The following HTT variants were observed in gnomAD, a reference collection of about 807,000 sequenced individuals.
HTT encodes the protein huntington disease protein.
In HTT, 104 loss-of-function variants were observed where a neutral mutation model predicts 362.3. The observed-to-expected ratio is 0.29, with a 90% CI of 0.24 to 0.34. The LOEUF (loss-of-function observed/expected upper bound fraction) is 0.34, where lower values mean the gene tolerates loss of function less well. Ranked by LOEUF, HTT falls within the 10% of genes least tolerant of loss-of-function variation. The pLI, the probability that HTT is intolerant of heterozygous loss-of-function variation, is 1.00. For missense variants in HTT, 3,301 were observed against 3,928.6 expected, an observed-to-expected ratio of 0.84 and a Z score of 4.27; for synonymous variants, 1,577 against 1,548.7, an observed-to-expected ratio of 1.02 and a Z score of -0.43.
chr4:3,092,812 A>C (rs1406481462), intron 2 of HTT, among the ~76,000 whole-genome samples: 1 of 152,258 alleles, frequency 6.6e-6, no homozygotes, highest in African/African-American at 2.4e-5. Flanking sequence ...TCTTGCCTTG[A>C]AATAGTTGAA....
intron 1 of HTT, among the ~76,000 whole-genome samples, chr4:3,084,736 G>A (rs1357200194): frequency 4.6e-5 from 7 of 151,372 alleles, no homozygotes; most frequent in South Asian, 2.1e-4. Flanking sequence ...TTACTGGGCC[G>A]GGTGTGGTGG....
At chr4:3,207,015 A>C (rs1169111021) in intron 44 of HTT, 32 bp downstream of exon 44, 3 of 1,577,300 alleles carry the variant, frequency 1.9e-6, no homozygotes, top group Admixed American at 3.6e-5. Flanking sequence ...ATATTGATTT[A>C]TATTGAAAAT....
chr4:3,149,822 C>T (rs1353102466), intron 26 of HTT, among the ~76,000 whole-genome samples: 2 of 152,350 alleles, frequency 1.3e-5, no homozygotes, highest in East Asian at 1.9e-4. Flanking sequence ...CTTTGGCTCT[C>T]TTGGCCTGGA....
intron 29 of HTT, among the ~76,000 whole-genome samples, chr4:3,163,239 C>T (rs765426791): frequency 2.0e-5 from 3 of 152,112 alleles, no homozygotes; most frequent in Admixed American, 1.3e-4. Flanking sequence ...TATTGATTTG[C>T]GTATGTTGAA....
intron 35 of HTT, among the ~76,000 whole-genome samples, chr4:3,180,041 G>A (rs1389741235): frequency 6.6e-6 from 1 of 152,130 alleles, no homozygotes; most frequent in Non-Finnish European, 1.5e-5. Flanking sequence ...ATAAGACTTG[G>A]GGGAAAGTCC....
chr4:3,155,524 CTATT>C (rs763313092), intron 27 of HTT, among the ~76,000 whole-genome samples: 4 of 151,366 alleles, frequency 2.6e-5, no homozygotes, highest in Non-Finnish European at 4.4e-5. Context: ...TGTACCCGGC[CTATT>C]TATTTATTTT....
intron 12 of HTT, chr4:3,128,484 G>A (rs1040877359): frequency 6.6e-6 from 1 of 152,136 alleles, no homozygotes; most frequent in Admixed American, 6.5e-5. Context: ...TTAAGGCCTT[G>A]TTGGGCCCTG....
In HTT at chr4:3,198,817, G is replaced by A. The variant is rs548749142; in HGVS notation, c.5369-915G>A. On this transcript the variant is annotated intron_variant, in intron 40 of 66. Coordinates refer to ENST00000355072, the MANE Select transcript of HTT (RefSeq NM_001388492.1). ...CTGAGGTGCCAGCATTGTGTGTGGG[G>A]AGGCTGACCGCTTGGCCTGCCTAGG... 1.4e-3 allele frequency among the ~76,000 whole-genome samples: 214 copies of A among 152,354 alleles called. 2 individuals are homozygous for A. The highest frequency in any genetic ancestry group is 5.0e-3 in the African/African-American group (206 of 41,578).
At position 3,208,873 on chromosome 4, in the gene HTT, G is replaced by T. The variant is rs747386152; in HGVS notation, c.6253G>T (p.Asp2085Tyr). 1 of 1,613,998 alleles carries T rather than the reference G, an allele frequency of 6.2e-7. No homozygotes were observed. The highest frequency in any genetic ancestry group is 8.5e-7 in the Non-Finnish European group (1 of 1,179,942). ...AGTCTCTTCCCACCCGCTGGACGGG[G>T]ATGGGCACGTGTCACTGGAAACAGT... ...PPVSSHPLDG[D>Y]GHVSLETVSP... The change falls in exon 46 of 67, where the codon GAT becomes TAT. Residue 2085 changes from aspartate (D) to tyrosine (Y), a missense_variant. Physicochemically the swap from Asp to Tyr is radical, Grantham distance 160. This residue lies in a region of HTT where 2,316 missense variants were observed against 2,658.5 expected (regional missense o/e 0.87). Transcript: ENST00000355072.
At position 3,075,002 on chromosome 4, in the gene HTT, G is replaced by A. The variant is rs1182405925; in HGVS notation, c.177G>A (p.Gln59=). The A allele has an allele frequency of 6.2e-5, 89 of 1,440,142 alleles. 2 individuals are homozygous for A. Among genetic ancestry groups the A allele is most frequent in the East Asian group, 9.2e-5 (3 of 32,516 alleles). The allele number at this position is 1,440,142 out of a possible 1,614,324, so 89.2% of individuals were successfully genotyped here. Residue 59 remains glutamine (Q), a synonymous_variant, in exon 1 of 67, where the codon CAG becomes CAA. Coordinates refer to ENST00000355072, the MANE Select transcript of HTT (RefSeq NM_001388492.1). ...TTCCTCAGCCGCCGCCGCAGGCACA[G>A]CCGCTGCTGCCTCAGCCGCAGCCGC... is the stretch of plus-strand genomic sequence containing the variant. ...PQLPQPPPQA[Q]PLLPQPQPPP...
rs775698436 is a variant in HTT, at chr4:3,236,258, A to G, written c.8891+4A>G. On this transcript the variant is annotated splice_donor_region_variant and intron_variant, in intron 64 of 66. Coordinates refer to ENST00000355072, the MANE Select transcript of HTT (RefSeq NM_001388492.1). ...GGGTATCTGTTCTTTTTGATAGGTA[A>G]GAAGCGAAGCCCCATCCCTCAGCCG... 11 of 1,592,260 alleles carry G rather than the reference A, an allele frequency of 6.9e-6. No homozygotes were observed. Among genetic ancestry groups the G allele is most frequent in the Non-Finnish European group, 9.5e-6 (11 of 1,160,066 alleles).
intron 5 of HTT, 92 bp from the exon 6 acceptor site, chr4:3,107,193 T>C: frequency 7.3e-7 from 1 of 1,375,988 alleles, no homozygotes; most frequent in Non-Finnish European, 1.0e-6. Flanking sequence ...TGTTGGAATA[T>C]AAAACTGGCT....
chr4:3,127,785 G>A (rs530349529), intron 12 of HTT, among the ~76,000 whole-genome samples, 181 bp downstream of exon 12: 5 of 152,016 alleles, frequency 3.3e-5, no homozygotes, highest in African/African-American at 1.2e-4. Context: ...CCAACATGGT[G>A]AAACCCTGTC....
Position 3,187,814 on chromosome 4 carries a change from A to T in HTT, c.5153A>T (p.Asp1718Val), listed in dbSNP as rs1386852988. ...GTAATTAATAGGTTAAGAGATGGGG[A>T]CAGTACTTCAACGCTAGAAGAACAC... is the stretch of plus-strand genomic sequence containing the variant. The part of the protein sequence containing the change: ...CTVINRLRDG[D>V]STSTLEEHSE... The change falls in exon 39 of 67, where the codon GAC (aspartate) becomes GTC (valine). Residue 1718 changes from aspartate to valine, a missense_variant. This residue lies in a region of HTT where 2,316 missense variants were observed against 2,658.5 expected (regional missense o/e 0.87). Coordinates refer to ENST00000355072, the MANE Select transcript of HTT (RefSeq NM_001388492.1). The T allele has an allele frequency of 2.5e-6, 4 of 1,613,340 alleles. No individual in the cohort carries two copies. The highest frequency in any genetic ancestry group is 2.5e-6 in the Non-Finnish European group (3 of 1,179,428).
chr4:3,150,918 A>G (rs1716850207), intron 26 of HTT, among the ~76,000 whole-genome samples: 1 of 152,334 alleles, frequency 6.6e-6, no homozygotes, highest in Admixed American at 6.5e-5. Flanking sequence ...GGGCGCCCAT[A>G]GTCCCAGCTA....
In HTT at chr4:3,206,112, G is replaced by T. The variant is rs1259681383; in HGVS notation, c.5719-384G>T. 6.6e-6 allele frequency among the ~76,000 whole-genome samples: 1 copy of T among 152,206 alleles called. No homozygotes were observed. The highest frequency in any genetic ancestry group is 2.4e-5 in the African/African-American group (1 of 41,444). ...CACTGGCTTAGCCGGCCCGAAGCCC[G>T]GGAGAGGGCAGGCAGTGCTGTGGAT... On this transcript the variant is annotated intron_variant, in intron 42 of 66. Coordinates refer to ENST00000355072, the MANE Select transcript of HTT (RefSeq NM_001388492.1). This position sits in a 1 kb window ranked among gnomAD's most constrained non-coding sequence, Gnocchi z 4.6.
At chr4:3,138,366 A>G (rs1033127132) in intron 21 of HTT, among the ~76,000 whole-genome samples, 3 of 152,050 alleles carry the variant, frequency 2.0e-5, no homozygotes, top group Non-Finnish European at 2.9e-5. Context: ...TGTACCCAAT[A>G]TGTAGTTTTT....
At chr4:3,102,370 T>A (rs757771007) in intron 3 of HTT, among the ~76,000 whole-genome samples, 1 of 152,236 alleles carries the variant, frequency 6.6e-6, no homozygotes, top group Non-Finnish European at 1.5e-5. Flanking sequence ...ACAATAAGCT[T>A]GGTATTTGTT....
chr4:3,175,128 A>G, intron 33 of HTT, 21 bp downstream of exon 33: 2 of 1,603,156 alleles, frequency 1.2e-6, no homozygotes, highest in South Asian at 1.1e-5. Flanking sequence ...TTTATCTTTC[A>G]TCCATCATAC....
Sources: allele counts gnomAD v4.1 joint callset (sites outside exome capture counted in the v4.1 genomes callset), GRCh38; gene constraint gnomAD v4.1.1; regional missense constraint gnomAD v4.1.1; non-coding constraint Gnocchi (gnomAD v3.1); transcripts MANE v1.5; gene names NCBI Gene and HGNC (gene_info 2026-07-23, HGNC 2026-07-21).